Variants in NR6A1 observed in about 807,000 individuals in gnomAD.
The protein encoded by NR6A1 is retinoic acid receptor-related testis-associated receptor.
A neutral mutation model predicts 59.1 loss-of-function variants in NR6A1; 7 were observed. That is an observed-to-expected ratio of 0.12 (90% confidence interval 0.07 to 0.22). NR6A1 has a LOEUF of 0.22. NR6A1 is among the 10% of genes least tolerant of loss of function. The pLI is 1.00. For missense variants in NR6A1, 468 were observed against 611.6 expected (o/e 0.77, Z 2.48); for synonymous variants, 243 against 236.1 (o/e 1.03, Z -0.27).
In NR6A1 at chr9:124,521,700, G is replaced by A. The variant is rs1311707131; in HGVS notation, c.*1005C>T. 1 of 152,196 alleles carries A rather than the reference G, an allele frequency of 6.6e-6. No homozygotes were observed. Among genetic ancestry groups the A allele is most frequent in the African/African-American group, 2.4e-5 (1 of 41,428 alleles). 9.4% of individuals were successfully genotyped at this position (152,196 alleles called of 1,614,324 possible). On this transcript the variant is annotated 3_prime_UTR_variant, in exon 10 of 10. Transcript: ENST00000487099. ...GTCTGGCCTTGCCCTACTACCCTTT[G>A]AAGAAAACAAGGTGAAAGGAGAATA...
chr9:124,693,660 A>G (rs908414658), intron 2 of NR6A1: 2 of 528,982 alleles, frequency 3.8e-6, no homozygotes, highest in African/African-American at 1.9e-5. Context: ...GGAAAAGAAG[A>G]GCCAGGAGTC....
Position 124,519,669 on chromosome 9 carries a change from G to A in NR6A1, c.*3036C>T, listed in dbSNP as rs1832756554. On this transcript the variant is annotated 3_prime_UTR_variant, in exon 10 of 10. Coordinates refer to ENST00000487099, the MANE Select transcript of NR6A1 (RefSeq NM_033334.4). ...TAATCCCAGCACTTTGGGAGGCCGA[G>A]GCAGGCGGATCACGAGGTCAGGAGA... 1 of 152,128 alleles carries A rather than the reference G, an allele frequency of 6.6e-6. No homozygotes were observed. Among genetic ancestry groups the A allele is most frequent in the Non-Finnish European group, 1.5e-5 (1 of 68,028 alleles). 9.4% of individuals were successfully genotyped at this position (152,128 alleles called of 1,614,324 possible). A position where few individuals can be genotyped will look rare whatever the true frequency, so the allele number is the denominator to read the frequency against.
intron 2 of NR6A1, among the ~76,000 whole-genome samples, chr9:124,601,781 AG>A (rs2130823876): frequency 6.6e-6 from 1 of 151,834 alleles, no homozygotes; most frequent in South Asian, 2.1e-4. Flanking sequence ...TTGGAAACAT[AG>A]GGAGACCCGT....
intron 2 of NR6A1, among the ~76,000 whole-genome samples, chr9:124,644,545 C>T (rs1836876685): frequency 6.6e-6 from 1 of 152,124 alleles, no homozygotes; most frequent in Admixed American, 6.5e-5. Flanking sequence ...AGCCACTGTG[C>T]CCAGCCAATT....
rs1424475645 is a variant in NR6A1, at chr9:124,599,190, C to T, written c.143-44620G>A. 4 of 524,956 alleles carry T rather than the reference C, an allele frequency of 7.6e-6. No individual in the cohort carries two copies. The Admixed American group carries it at 1.0e-4, about 13-fold the overall frequency. The allele number at this position is 524,956 out of a possible 1,614,324, so 32.5% of individuals were successfully genotyped here. A position where few individuals can be genotyped will look rare whatever the true frequency, so the allele number is the denominator to read the frequency against. On this transcript the variant is annotated intron_variant, in intron 2 of 9. Coordinates refer to ENST00000487099, the MANE Select transcript of NR6A1 (RefSeq NM_033334.4). Reference sequence around the variant, plus strand: ...GGGGGCGGTGGCTCACTCCTGTAATCCCAGCACTCTGGGAGACTGAGGCGG... The same window carrying T: ...GGGGGCGGTGGCTCACTCCTGTAATTCCAGCACTCTGGGAGACTGAGGCGG...
chr9:124,640,482 CA>C, intron 2 of NR6A1, among the ~76,000 whole-genome samples: 1 of 152,176 alleles, frequency 6.6e-6, no homozygotes. Flanking sequence ...TCACTGTAAC[CA>C]TGAACTCATG....
At chr9:124,534,711 G>C (rs377479858) in intron 7 of NR6A1, among the ~76,000 whole-genome samples, 2 of 152,150 alleles carry the variant, frequency 1.3e-5, no homozygotes, top group Admixed American at 6.5e-5. Context: ...CAAATCTAAG[G>C]CTCTGGATTC....
chr9:124,651,221 T>C (rs1030831584), intron 2 of NR6A1, among the ~76,000 whole-genome samples: 1 of 152,094 alleles, frequency 6.6e-6, no homozygotes, highest in Non-Finnish European at 1.5e-5. Flanking sequence ...TATGCCTGGT[T>C]AATTTTTGTA....
At chr9:124,670,042 C>T (rs924233373) in intron 2 of NR6A1, among the ~76,000 whole-genome samples, 5 of 152,046 alleles carry the variant, frequency 3.3e-5, no homozygotes, top group Non-Finnish European at 7.4e-5. Context: ...AAGAAACTTA[C>T]ATACCATTTT....
intron 2 of NR6A1, among the ~76,000 whole-genome samples, chr9:124,703,010 TGCCTCA>T (rs1188452464): frequency 6.6e-6 from 1 of 151,246 alleles, no homozygotes; most frequent in Non-Finnish European, 1.5e-5. Context: ...GCGATTCTCC[TGCCTCA>T]GCCTCAGCCT....
At chr9:124,596,671 T>G (rs114743688) in intron 2 of NR6A1, among the ~76,000 whole-genome samples, 1 of 152,214 alleles carries the variant, frequency 6.6e-6, no homozygotes, top group Non-Finnish European at 1.5e-5. Context: ...ACAATCATCA[T>G]GCTATAGCTT....
intron 2 of NR6A1, among the ~76,000 whole-genome samples, chr9:124,678,792 CTTTCATATAGCCTAGTTA>C: frequency 6.6e-6 from 1 of 152,268 alleles, no homozygotes; most frequent in South Asian, 2.1e-4. Flanking sequence ...AATCAGTTTG[CTTTCATATAGCCTAGTTA>C]AGACCTCACT....
At chr9:124,752,241 C>T (rs1365074534) in intron 1 of NR6A1, among the ~76,000 whole-genome samples, 1 of 152,078 alleles carries the variant, frequency 6.6e-6, no homozygotes, top group Non-Finnish European at 1.5e-5. Flanking sequence ...TGCACTCCAG[C>T]CTGGGCAACA....
chr9:124,743,544 A>G (rs1473398817), intron 1 of NR6A1, among the ~76,000 whole-genome samples: 1 of 152,202 alleles, frequency 6.6e-6, no homozygotes, highest in Non-Finnish European at 1.5e-5. Context: ...ATTTCTATGG[A>G]AACATTAATA....
intron 2 of NR6A1, among the ~76,000 whole-genome samples, chr9:124,601,510 G>A (rs1360595652): frequency 1.3e-5 from 2 of 151,178 alleles, no homozygotes; most frequent in African/African-American, 4.9e-5. Context: ...CGTGAACCTG[G>A]GAGGCGGAGC....
intron 1 of NR6A1, among the ~76,000 whole-genome samples, chr9:124,763,770 T>C (rs1340667418): frequency 6.6e-6 from 1 of 152,194 alleles, no homozygotes; most frequent in African/African-American, 2.4e-5. Flanking sequence ...AAAAGAACAT[T>C]GCATCTGATC....
Position 124,718,126 on chromosome 9 carries a change from A to G in NR6A1, c.142+15182T>C, listed in dbSNP as rs190417421. 5.2e-3 allele frequency among the ~76,000 whole-genome samples: 796 copies of G among 152,352 alleles called. 7 individuals carry two copies. Among genetic ancestry groups the G allele is most frequent in the African/African-American group, 0.018 (737 of 41,588 alleles). On this transcript the variant is annotated intron_variant, in intron 2 of 9. Coordinates refer to ENST00000487099, the MANE Select transcript of NR6A1 (RefSeq NM_033334.4). ...GCTTCACACGTTGCCTATGCTACTC[A>G]GCAAGAAAGCAGGAAGGCCAGGATG... is the stretch of plus-strand genomic sequence containing the variant.
chr9:124,526,756 C>A, intron 8 of NR6A1, 23 bp downstream of exon 8: 1 of 1,611,764 alleles, frequency 6.2e-7, no homozygotes, highest in Non-Finnish European at 8.5e-7. Context: ...GCAAACGTCC[C>A]TTTTCCCACC....
intron 4 of NR6A1, among the ~76,000 whole-genome samples, chr9:124,540,704 C>T (rs1269427272): frequency 1.3e-5 from 2 of 152,080 alleles, no homozygotes; most frequent in Admixed American, 1.3e-4. Context: ...GAGACTGAGG[C>T]AGGAGATTCT....
Sources: allele counts gnomAD v4.1 joint callset (sites outside exome capture counted in the v4.1 genomes callset), GRCh38; gene constraint gnomAD v4.1.1; transcripts MANE v1.5; gene names NCBI Gene and HGNC (gene_info 2026-07-23, HGNC 2026-07-21).